The following DYNC2H1 variants were observed in gnomAD, a reference collection of about 807,000 sequenced individuals.
DYNC2H1 encodes the protein cytoplasmic dynein 2 heavy chain 1.
A neutral mutation model predicts 570.0 loss-of-function variants in DYNC2H1; 410 were observed. The ratio of observed to expected loss-of-function variants is 0.72; its 90% CI spans 0.66 to 0.78. DYNC2H1 has a LOEUF of 0.78. Among genes scored for constraint, DYNC2H1 ranks in the 30% least tolerant of loss-of-function variants. The probability of loss-of-function intolerance (pLI) is 0.00; values close to 1 mark genes in which losing one functional copy is unlikely to be tolerated. For missense variants in DYNC2H1, 4,865 were observed against 5,046.4 expected, an observed-to-expected ratio of 0.96 and a Z score of 1.09; for synonymous variants, 1,688 against 1,677.6, an observed-to-expected ratio of 1.01 and a Z score of -0.15.
intron 34 of DYNC2H1, among the ~76,000 whole-genome samples, 195 bp from the exon 35 acceptor site, chr11:103,172,887 G>A (rs1861631880): frequency 6.6e-6 from 1 of 150,502 alleles, no homozygotes; most frequent in African/African-American, 2.4e-5. Context: ...ATCATATATT[G>A]AGTAAGGAGA....
Position 103,133,176 on chromosome 11 carries a change from C to T in DYNC2H1, c.1954-379C>T, listed in dbSNP as rs1278374532. On this transcript the variant is annotated intron_variant, in intron 13 of 88. Transcript: ENST00000375735. The surrounding 1 kb of genome is among the most constrained non-coding windows in gnomAD (Gnocchi z 4.8). Reference sequence around the variant, plus strand: ...TTTATAGGAGGTTTTTGAGTCTGTGCCTGTCAGTGGTTCCAGATTGGAATC... The same window carrying T: ...TTTATAGGAGGTTTTTGAGTCTGTGTCTGTCAGTGGTTCCAGATTGGAATC... 6.6e-6 allele frequency among the ~76,000 whole-genome samples: 1 copy of T among 152,098 alleles called. No individual in the cohort carries two copies.
chr11:103,252,124 G>A lies in DYNC2H1; in HGVS notation c.10043-1161G>A, dbSNP rs926183300. ...CATTTTTTTTTTTTTTTGCAAAGAC[G>A]AGGTCTCAGTATGTTTCCCAGATGG... On this transcript the variant is annotated intron_variant, in intron 65 of 88. Coordinates refer to ENST00000375735, the MANE Select transcript of DYNC2H1 (RefSeq NM_001377.3). This position sits in a 1 kb window ranked among gnomAD's most constrained non-coding sequence, Gnocchi z 4.6. Among the ~76,000 whole-genome samples, 4 of 149,550 alleles carry A rather than the reference G, an allele frequency of 2.7e-5. No individual in the cohort carries two copies. Among genetic ancestry groups the A allele is most frequent in the African/African-American group, 9.9e-5 (4 of 40,576 alleles).
At chr11:103,235,534 T>C in intron 61 of DYNC2H1, 138 bp from the exon 62 acceptor site, 1 of 690,592 alleles carries the variant, frequency 1.4e-6, no homozygotes. Context: ...TTGATATTTT[T>C]ACATTTTGAC....
intron 85 of DYNC2H1, among the ~76,000 whole-genome samples, chr11:103,438,751 C>A (rs554566255): frequency 3.3e-5 from 5 of 152,080 alleles, no homozygotes; most frequent in Non-Finnish European, 5.9e-5. Context: ...TTATTCTAGA[C>A]CCTGTGTGAA....
chr11:103,414,005 G>T (rs1943187821), intron 84 of DYNC2H1, among the ~76,000 whole-genome samples: 1 of 152,054 alleles, frequency 6.6e-6, no homozygotes, highest in African/African-American at 2.4e-5. Context: ...CATGCTAAAA[G>T]AAGTTTTATC....
intron 85 of DYNC2H1, among the ~76,000 whole-genome samples, chr11:103,450,405 A>ATG (rs199641313): frequency 1.3e-5 from 2 of 151,944 alleles, no homozygotes; most frequent in African/African-American, 4.8e-5. Context: ...AAGTGCGCAC[A>ATG]GGGTGTTTAC....
At position 103,174,797 on chromosome 11, in the gene DYNC2H1, A is replaced by T. The variant is rs183668583; in HGVS notation, c.5674+627A>T. On this transcript the variant is annotated intron_variant, in intron 36 of 88. Coordinates refer to ENST00000375735, the MANE Select transcript of DYNC2H1 (RefSeq NM_001377.3). ...TTATGTTAACCTTCATCACCTGGCT[A>T]TGGTAGTGTTGCCAGGTTTCTCCAA... is the stretch of plus-strand genomic sequence containing the variant. 5.9e-5 allele frequency among the ~76,000 whole-genome samples: 9 copies of T among 152,084 alleles called. No individual in the cohort carries two copies. The East Asian group carries it at 1.7e-3, about 29-fold the overall frequency.
At position 103,395,367 on chromosome 11, in the gene DYNC2H1, A is replaced by G. The variant is rs995424080; in HGVS notation, c.12157-4296A>G. ...CTTATTATGTATTATGTATATCCTC[A>G]TATATAATATATATTCTGAAAGATC... On this transcript the variant is annotated intron_variant, in intron 83 of 88. Coordinates refer to ENST00000375735, the MANE Select transcript of DYNC2H1 (RefSeq NM_001377.3). This position sits in a 1 kb window ranked among gnomAD's most constrained non-coding sequence, Gnocchi z 4.3. Among the ~76,000 whole-genome samples the G allele has an allele frequency of 1.6e-4, 25 of 151,730 alleles. No individual in the cohort carries two copies. Among genetic ancestry groups the G allele is most frequent in the African/African-American group, 2.2e-4 (9 of 41,328 alleles).
intron 6 of DYNC2H1, 76 bp from the exon 7 acceptor site, chr11:103,120,371 T>C (rs1321012992): frequency 7.7e-7 from 1 of 1,301,362 alleles, no homozygotes; most frequent in Non-Finnish European, 1.0e-6. Flanking sequence ...TCTTGCCCAA[T>C]ATATCTAGAT....
At position 103,299,761 on chromosome 11, in the gene DYNC2H1, T is replaced by C. The variant is rs1389644275; in HGVS notation, c.11096-3332T>C. Among the ~76,000 whole-genome samples the C allele has an allele frequency of 3.3e-5, 5 of 152,122 alleles. No homozygotes were observed. The highest frequency in any genetic ancestry group is 4.8e-5 in the African/African-American group (2 of 41,460). ...TTTTAGGTTCATGACCTTAGTTACATTTGCAAAGTCCCTTCACAGCAGTAC... is the reference window on the plus strand; with the variant it reads ...TTTTAGGTTCATGACCTTAGTTACACTTGCAAAGTCCCTTCACAGCAGTAC... On this transcript the variant is annotated intron_variant, in intron 75 of 88. Transcript: ENST00000375735. This position sits in a 1 kb window ranked among gnomAD's most constrained non-coding sequence, Gnocchi z 4.5.
chr11:103,307,228 G>A (rs1265104981), intron 77 of DYNC2H1, among the ~76,000 whole-genome samples: 1 of 151,996 alleles, frequency 6.6e-6, no homozygotes, highest in African/African-American at 2.4e-5. Flanking sequence ...TAGGCCATAA[G>A]GTGCTACTAA....
chr11:103,245,202 A>G lies in DYNC2H1; in HGVS notation c.9919-49A>G. ...AAAATCAAAGAAAGGATGTTTGTAA[A>G]TATTAAAGTAATTAAATAATTAATA... On this transcript the variant is annotated intron_variant, in intron 64 of 88. Coordinates refer to ENST00000375735, the MANE Select transcript of DYNC2H1 (RefSeq NM_001377.3). This position sits in a 1 kb window ranked among gnomAD's most constrained non-coding sequence, Gnocchi z 4.5. The G allele has an allele frequency of 1.5e-6, 2 of 1,375,466 alleles. No homozygotes were observed. The highest frequency in any genetic ancestry group is 2.0e-6 in the Non-Finnish European group (2 of 1,017,250). 85.2% of individuals were successfully genotyped at this position (1,375,466 alleles called of 1,614,324 possible). A position where few individuals can be genotyped will look rare whatever the true frequency, so the allele number is the denominator to read the frequency against.
intron 83 of DYNC2H1, among the ~76,000 whole-genome samples, chr11:103,394,900 T>A (rs565780798): frequency 6.6e-6 from 1 of 151,968 alleles, no homozygotes; most frequent in South Asian, 2.1e-4. Context: ...TCCTGTGAAA[T>A]GGGTGGCAAG....
intron 75 of DYNC2H1, among the ~76,000 whole-genome samples, chr11:103,291,679 A>G (rs1412086224): frequency 1.3e-5 from 2 of 152,128 alleles, no homozygotes; most frequent in Admixed American, 1.3e-4. Flanking sequence ...CTATTATTGT[A>G]TTAGAGTCTA....
rs143653790 is a variant in DYNC2H1, at chr11:103,302,389, T to G, written c.11096-704T>G. ...AATTTGTTACAATTATTATACTTAT[T>G]TTGCTTCCAGAGTACCTGTGGATTG... On this transcript the variant is annotated intron_variant, in intron 75 of 88. Coordinates refer to ENST00000375735, the MANE Select transcript of DYNC2H1 (RefSeq NM_001377.3). 1.5e-4 allele frequency among the ~76,000 whole-genome samples: 23 copies of G among 152,186 alleles called. No individual in the cohort carries two copies. The East Asian group carries it at 4.4e-3, about 29-fold the overall frequency.
intron 61 of DYNC2H1, among the ~76,000 whole-genome samples, chr11:103,235,009 C>T (rs2135197031): frequency 6.6e-6 from 1 of 151,898 alleles, no homozygotes; most frequent in East Asian, 1.9e-4. Context: ...ATGCCAATTT[C>T]TTTTCATTTC....
chr11:103,274,225 T>C (rs1865821755), intron 70 of DYNC2H1, among the ~76,000 whole-genome samples: 1 of 151,902 alleles, frequency 6.6e-6, no homozygotes, highest in South Asian at 2.1e-4. Flanking sequence ...CCAGGCATGG[T>C]GACTCATACA....
chr11:103,451,435 C>A (rs939834487), intron 85 of DYNC2H1, among the ~76,000 whole-genome samples: 1 of 143,744 alleles, frequency 7.0e-6, no homozygotes, highest in Non-Finnish European at 1.5e-5. Flanking sequence ...CAGGTTCAAG[C>A]GATTCTCCTG....
At chr11:103,464,312 A>G (rs1945123102) in intron 87 of DYNC2H1, among the ~76,000 whole-genome samples, 1 of 151,850 alleles carries the variant, frequency 6.6e-6, no homozygotes, top group African/African-American at 2.4e-5. Context: ...GACAAACTAT[A>G]CATTAGATAT....
Sources: gnomAD v4.1 joint callset for allele counts (sites outside exome capture counted in the v4.1 genomes callset) on GRCh38, gnomAD v4.1.1 for gene constraint, Gnocchi (gnomAD v3.1) non-coding constraint, MANE v1.5 for transcripts, NCBI Gene and HGNC (gene_info 2026-07-23, HGNC 2026-07-21) for gene names.